LGMN: variants seen among roughly 807,000 people sequenced by gnomAD.
LGMN encodes legumain, also known as asparaginyl endopeptidase.
Under a neutral mutation model 56.8 loss-of-function variants are expected in LGMN, and 36 were observed. The ratio of observed to expected loss-of-function variants is 0.63; its 90% confidence interval spans 0.49 to 0.84. The LOEUF is 0.84. LGMN is among the 40% of genes least tolerant of loss of function. The probability of loss-of-function intolerance (pLI) is 0.00; values close to 1 mark genes in which losing one functional copy is unlikely to be tolerated. For synonymous variants in LGMN, 199 were observed against 210.1 expected (o/e 0.95, Z 0.46); for missense variants, 446 against 556.1 (o/e 0.80, Z 1.99).
chr14:92,706,270 G>T, intron 12 of LGMN: 1 of 420,926 alleles, frequency 2.4e-6, no homozygotes, highest in Non-Finnish European at 4.2e-6. Flanking sequence ...TATGGCTCTG[G>T]TAAACTCTCC....
chr14:92,733,338 C>A (rs866026483), intron 1 of LGMN, among the ~76,000 whole-genome samples: 5 of 152,230 alleles, frequency 3.3e-5, no homozygotes, highest in African/African-American at 7.2e-5. Context: ...CCAATCTTCA[C>A]TACAAGTCCA....
chr14:92,731,131 C>T (rs750965082), intron 2 of LGMN, among the ~76,000 whole-genome samples: 4 of 152,014 alleles, frequency 2.6e-5, no homozygotes, highest in South Asian at 2.1e-4. Flanking sequence ...TCCAATCATT[C>T]GTAAAGAGGG....
chr14:92,728,648 A>G (rs527428783), intron 2 of LGMN, among the ~76,000 whole-genome samples: 1 of 152,342 alleles, frequency 6.6e-6, no homozygotes, highest in East Asian at 1.9e-4. Flanking sequence ...TAACATGTTA[A>G]ATTTTTAATA....
At position 92,712,885 on chromosome 14, in the gene LGMN, G is replaced by A. The variant is rs373954755; in HGVS notation, c.544-14C>T. 151 of 1,612,414 alleles carry A rather than the reference G, an allele frequency of 9.4e-5. No individual in the cohort carries two copies. The highest frequency in any genetic ancestry group is 1.6e-4 in the Middle Eastern group (1 of 6,080). On this transcript the variant is annotated splice_polypyrimidine_tract_variant and intron_variant, in intron 7 of 13. Coordinates refer to ENST00000334869, the MANE Select transcript of LGMN (RefSeq NM_005606.7). ...GTAGAACACCATCTGTGAGGCAGACGGGGCAGGTGAGCTCACCCCATCCAG... is the reference window on the plus strand; with the variant it reads ...GTAGAACACCATCTGTGAGGCAGACAGGGCAGGTGAGCTCACCCCATCCAG...
At chr14:92,722,356 G>T (rs1451981786) in intron 2 of LGMN, among the ~76,000 whole-genome samples, 1 of 152,064 alleles carries the variant, frequency 6.6e-6, no homozygotes, top group Non-Finnish European at 1.5e-5. Flanking sequence ...CAGCACTTTG[G>T]GATCACTTGA....
In LGMN at chr14:92,733,080, C is replaced by T. The variant is rs764639544; in HGVS notation, c.-29-265G>A. 1.5e-3 allele frequency among the ~76,000 whole-genome samples: 215 copies of T among 146,510 alleles called. 1 individual carries two copies. The highest frequency in any genetic ancestry group is 1.3e-3 in the Non-Finnish European group (86 of 67,396). On this transcript the variant is annotated intron_variant, in intron 1 of 13. Transcript: ENST00000334869. ...AGGAGAATCACTTGAACCCAGAAGA[C>T]AGAGACTGCAGTGAGCTAGACTGTG...
chr14:92,708,856 C>CAAAAAAAAAAAA (rs58813848), intron 11 of LGMN, among the ~76,000 whole-genome samples: 1,949 of 71,452 alleles, frequency 0.027, 205 homozygotes, highest in Admixed American at 0.046. Flanking sequence ...ACTCTTGTCT[C>CAAAAAAAAAAAA]AAAAAAAAAA....
chr14:92,726,237 C>CA (rs371855377), intron 2 of LGMN, among the ~76,000 whole-genome samples: 10,628 of 117,802 alleles, frequency 0.09, 483 homozygotes, highest in East Asian at 0.26. Context: ...GGCTCTGTCT[C>CA]AAAAAAAAAA....
intron 1 of LGMN, among the ~76,000 whole-genome samples, chr14:92,742,306 C>CTTTTTTTTTTTTT (rs1566938128): frequency 1.1e-5 from 1 of 92,502 alleles, no homozygotes; most frequent in Non-Finnish European, 1.9e-5. Context: ...TTTTTTTTTT[C>CTTTTTTTTTTTTT]TTTTTTTTTG....
intron 2 of LGMN, among the ~76,000 whole-genome samples, chr14:92,727,551 C>A (rs1376948691): frequency 6.6e-6 from 1 of 151,990 alleles, no homozygotes; most frequent in Non-Finnish European, 1.5e-5. Context: ...GGTACATGCA[C>A]TTGAAGGCAC....
At chr14:92,705,889 A>G (rs527790358) in intron 12 of LGMN, among the ~76,000 whole-genome samples, 24 of 152,262 alleles carry the variant, frequency 1.6e-4, no homozygotes, top group Admixed American at 5.2e-4. Context: ...TGGCCTCCCA[A>G]CGTGCTGGGA....
At chr14:92,709,561 C>T (rs1314852804) in intron 11 of LGMN, 111 bp downstream of exon 11, 3 of 873,160 alleles carry the variant, frequency 3.4e-6, no homozygotes, top group Admixed American at 2.2e-5. Context: ...GGCTTCTGTC[C>T]CCCCATACTC....
chr14:92,705,539 G>C (rs1889387491), intron 12 of LGMN, among the ~76,000 whole-genome samples: 1 of 151,988 alleles, frequency 6.6e-6, no homozygotes, highest in African/African-American at 2.4e-5. Flanking sequence ...AGACTGGAGG[G>C]GTAAAGTCGA....
intron 1 of LGMN, among the ~76,000 whole-genome samples, chr14:92,733,400 T>C (rs770854037): frequency 6.6e-6 from 1 of 151,956 alleles, no homozygotes; most frequent in Non-Finnish European, 1.5e-5. Flanking sequence ...GGGCACTTTT[T>C]AAAGTTTTTG....
rs570578098 is a variant in LGMN at position 92,732,682 on chromosome 14, T to G, written c.105A>C (p.Ala35=). Residue 35 remains alanine (A), a synonymous_variant, in exon 2 of 14, where the codon GCA becomes GCC. Coordinates refer to ENST00000334869, the MANE Select transcript of LGMN (RefSeq NM_005606.7). ...TATAATTATACCAGCCATTTGAACC[T>G]GCCACGATCACCACCCAGTGCTTGC... The part of the protein sequence containing the change: ...DGGKHWVVIV[A]GSNGWYNYRH... 16 of 1,614,176 alleles carry G rather than the reference T, an allele frequency of 9.9e-6. No individual in the cohort carries two copies. The highest frequency in any genetic ancestry group is 3.3e-4 in the Middle Eastern group (2 of 6,062).
intron 10 of LGMN, among the ~76,000 whole-genome samples, chr14:92,710,352 C>A (rs2140210280): frequency 6.6e-6 from 1 of 152,348 alleles, no homozygotes; most frequent in African/African-American, 2.4e-5. Flanking sequence ...ACCTGCAAGT[C>A]CCTAAGGACC....
chr14:92,714,437 T>G lies in LGMN; in HGVS notation c.419A>C (p.His140Pro). 1 of 1,610,384 alleles carries G rather than the reference T, an allele frequency of 6.2e-7. No homozygotes were observed. The highest frequency in any genetic ancestry group is 8.5e-7 in the Non-Finnish European group (1 of 1,176,784). The stretch of plus-strand genomic sequence containing the variant: ...ATGGTCAGTGAAGTAAATGAACACG[T>G]GATCCTGGGGGCCACTGCCAAGAAG... ...GKVLKSGPQD[H>P]VFIYFTDHGS... Residue 140 changes from histidine to proline, a missense_variant, in exon 6 of 14, where the codon CAC becomes CCC. By Grantham distance (77) the His-to-Pro change is moderately conservative (BLOSUM62 -2). Transcript: ENST00000334869. This position sits in a 1 kb window ranked among gnomAD's most constrained non-coding sequence, Gnocchi z 5.1.
intron 7 of LGMN, among the ~76,000 whole-genome samples, chr14:92,713,239 G>A (rs1317422957): frequency 6.6e-6 from 1 of 151,556 alleles, no homozygotes; most frequent in African/African-American, 2.4e-5. Flanking sequence ...GTTTTTTTTT[G>A]TTTTGTTTTT....
chr14:92,728,193 A>G (rs567137524), intron 2 of LGMN, among the ~76,000 whole-genome samples: 1 of 152,320 alleles, frequency 6.6e-6, no homozygotes, highest in Non-Finnish European at 1.5e-5. Context: ...TTTTCCACAC[A>G]CAGGGGTGAG....
Sources: allele counts gnomAD v4.1 joint callset (sites outside exome capture counted in the v4.1 genomes callset), GRCh38; gene constraint gnomAD v4.1.1; non-coding constraint Gnocchi (gnomAD v3.1); transcripts MANE v1.5; gene names NCBI Gene and HGNC (gene_info 2026-07-23, HGNC 2026-07-21).